The following SPRED1 variants were observed in gnomAD, a reference collection of about 807,000 sequenced individuals.
The protein encoded by SPRED1 is sprouty related EVH1 domain containing 1.
SPRED1 carries 18 observed loss-of-function variants against 52.3 expected under a neutral mutation model. The ratio of observed to expected loss-of-function variants is 0.34; its 90% CI spans 0.24 to 0.51. The LOEUF (loss-of-function observed/expected upper bound fraction) is 0.51. Among genes scored for constraint, SPRED1 ranks in the 20% least tolerant of loss-of-function variants. SPRED1 has a pLI of 0.97. For synonymous variants in SPRED1, 155 were observed against 179.7 expected, an observed-to-expected ratio of 0.86 and a Z score of 1.10; for missense variants, 485 against 551.0, an observed-to-expected ratio of 0.88 and a Z score of 1.20.
At chr15:38,318,804 G>A (rs531204967) in intron 2 of SPRED1, among the ~76,000 whole-genome samples, 1 of 152,234 alleles carries the variant, frequency 6.6e-6, no homozygotes, top group African/African-American at 2.4e-5. Context: ...CATGGTATAT[G>A]TTTTATAAGT....
intron 4 of SPRED1, among the ~76,000 whole-genome samples, chr15:38,337,327 T>A (rs1386863020): frequency 2.0e-5 from 3 of 152,218 alleles, no homozygotes; most frequent in African/African-American, 7.2e-5. Flanking sequence ...ATTTGATTCT[T>A]ACAATTCATG....
chr15:38,256,534 G>A (rs1031676674), intron 1 of SPRED1, among the ~76,000 whole-genome samples: 2 of 152,088 alleles, frequency 1.3e-5, no homozygotes, highest in South Asian at 2.1e-4. Flanking sequence ...TTAGGTTCAC[G>A]TTAGCCAGAA....
chr15:38,319,377 G>T (rs1446481292), intron 2 of SPRED1, among the ~76,000 whole-genome samples: 1 of 152,036 alleles, frequency 6.6e-6, no homozygotes, highest in Non-Finnish European at 1.5e-5. Context: ...CTGGATACAT[G>T]TAAATTATTT....
intron 1 of SPRED1, among the ~76,000 whole-genome samples, chr15:38,288,757 T>TA (rs1450552432): frequency 6.6e-6 from 1 of 152,208 alleles, no homozygotes; most frequent in Non-Finnish European, 1.5e-5. Context: ...CAGGCTATGC[T>TA]AACTCAGTAT....
rs1374483645 is a variant in SPRED1 at position 38,351,295 on chromosome 15, G to A, written c.966G>A (p.Lys322=). The change falls in exon 7 of 7, where the codon AAG becomes AAA. Residue 322 remains lysine (K), a synonymous_variant. Coordinates refer to ENST00000299084, the MANE Select transcript of SPRED1 (RefSeq NM_152594.3). Reference sequence around the variant, plus strand: ...AGCCTTCCTCATTAAAAATTAAGAAGTCAAAACGAAGAAAAGAGGATGGTG... The same window carrying A: ...AGCCTTCCTCATTAAAAATTAAGAAATCAAAACGAAGAAAAGAGGATGGTG... ...KTQPSSLKIK[K]SKRRKEDGER... 6.2e-7 allele frequency: 1 copy of A among 1,614,036 alleles called. No homozygotes were observed. The highest frequency in any genetic ancestry group is 8.5e-7 in the Non-Finnish European group (1 of 1,180,000).
chr15:38,305,223 T>C (rs1260255943), intron 2 of SPRED1, among the ~76,000 whole-genome samples: 4 of 151,892 alleles, frequency 2.6e-5, no homozygotes, highest in Non-Finnish European at 4.4e-5. Context: ...TCCCAGCTAC[T>C]TAGGAGGCTG....
At chr15:38,336,310 A>G (rs973039840) in intron 4 of SPRED1, among the ~76,000 whole-genome samples, 11 of 151,134 alleles carry the variant, frequency 7.3e-5, no homozygotes, top group African/African-American at 2.4e-4. Context: ...TGCTTAGAGC[A>G]CTATAATTTG....
Position 38,339,895 on chromosome 15 carries a change from G to A in SPRED1, c.582G>A (p.Gln194=). 1 of 1,613,744 alleles carries A rather than the reference G, an allele frequency of 6.2e-7. No homozygotes were observed. The highest frequency in any genetic ancestry group is 8.5e-7 in the Non-Finnish European group (1 of 1,179,830). Residue 194 remains glutamine (Q), a splice_region_variant and synonymous_variant, in exon 5 of 7, where the codon CAG becomes CAA. Transcript: ENST00000299084. ...TCTACATGCAAAGCCAAGCCAATCA[G>A]GTAAGAAGATAAAATATTTTTTCGG... ...RRVYMQSQAN[Q]ITFGQPGLDI...
rs188019859 is a variant in SPRED1, at chr15:38,283,024, G to A, written c.33-16349G>A. On this transcript the variant is annotated intron_variant, in intron 1 of 6. Coordinates refer to ENST00000299084, the MANE Select transcript of SPRED1 (RefSeq NM_152594.3). Reference sequence around the variant, plus strand: ...GGGGTGTAATGAGGTATGTTAGTCCGTTCTCACACTGCTATAAAGAATACT... The same window carrying A: ...GGGGTGTAATGAGGTATGTTAGTCCATTCTCACACTGCTATAAAGAATACT... Among the ~76,000 whole-genome samples the A allele has an allele frequency of 2.4e-4, 37 of 152,130 alleles. 1 individual carries two copies. Among genetic ancestry groups the A allele is most frequent in the East Asian group, 1.7e-3 (9 of 5,186 alleles).
chr15:38,320,120 A>G (rs183878273), intron 2 of SPRED1, among the ~76,000 whole-genome samples: 3 of 152,124 alleles, frequency 2.0e-5, no homozygotes, highest in African/African-American at 4.8e-5. Flanking sequence ...TTTTAATGCA[A>G]TTTATTTCAT....
intron 1 of SPRED1, among the ~76,000 whole-genome samples, chr15:38,266,501 G>A (rs1894309377): frequency 6.6e-6 from 1 of 151,966 alleles, no homozygotes; most frequent in Non-Finnish European, 1.5e-5. Context: ...AATTATCCAG[G>A]CATGGTGGTG....
rs757217761 is a variant in SPRED1 at position 38,354,979 on chromosome 15, G to A, written c.*3315G>A. 6.6e-6 allele frequency: 1 copy of A among 152,474 alleles called. No individual in the cohort carries two copies. The highest frequency in any genetic ancestry group is 1.5e-5 in the Non-Finnish European group (1 of 68,300). The allele number at this position is 152,474 out of a possible 1,614,324, so 9.4% of individuals were successfully genotyped here. A position where few individuals can be genotyped will look rare whatever the true frequency, so the allele number is the denominator to read the frequency against. On this transcript the variant is annotated 3_prime_UTR_variant, in exon 7 of 7. Coordinates refer to ENST00000299084, the MANE Select transcript of SPRED1 (RefSeq NM_152594.3). ...GTTTTTCTCTCTTTTATTTGAGACGGAGTTTCACTCTTGTTGCCCAGGCTG... is the reference window on the plus strand; with the variant it reads ...GTTTTTCTCTCTTTTATTTGAGACGAAGTTTCACTCTTGTTGCCCAGGCTG...
At chr15:38,284,585 G>T (rs920816516) in intron 1 of SPRED1, among the ~76,000 whole-genome samples, 2 of 152,032 alleles carry the variant, frequency 1.3e-5, no homozygotes, top group South Asian at 4.2e-4. Flanking sequence ...GACTTTAGTG[G>T]AAGTTTTAAG....
intron 1 of SPRED1, among the ~76,000 whole-genome samples, chr15:38,256,699 A>C (rs1402638310): frequency 6.6e-6 from 1 of 152,144 alleles, no homozygotes; most frequent in African/African-American, 2.4e-5. Context: ...GCAAATTTTT[A>C]TGGTTATATC....
chr15:38,319,823 A>C (rs1051970215), intron 2 of SPRED1, among the ~76,000 whole-genome samples: 2 of 152,228 alleles, frequency 1.3e-5, no homozygotes, highest in African/African-American at 4.8e-5. Flanking sequence ...CTTACTACCA[A>C]GAATTATTAT....
intron 2 of SPRED1, among the ~76,000 whole-genome samples, chr15:38,299,835 C>T (rs997192290): frequency 6.6e-6 from 1 of 152,150 alleles, no homozygotes; most frequent in Non-Finnish European, 1.5e-5. Context: ...GCCTTCCCTT[C>T]TCTCAGCTAT....
At chr15:38,293,099 C>CTTTTTTTTTT (rs66511254) in intron 1 of SPRED1, among the ~76,000 whole-genome samples, 4,462 of 90,608 alleles carry the variant, frequency 0.049, 1,161 homozygotes, top group South Asian at 0.089. Context: ...AAGATTACAA[C>CTTTTTTTTTT]TTTTTTTTTT....
chr15:38,294,018 A>C (rs1457760166), intron 1 of SPRED1, among the ~76,000 whole-genome samples: 1 of 152,166 alleles, frequency 6.6e-6, no homozygotes, highest in Non-Finnish European at 1.5e-5. Flanking sequence ...TTTATGTAGT[A>C]TATGAATCTC....
intron 1 of SPRED1, among the ~76,000 whole-genome samples, chr15:38,285,894 T>C (rs1894796831): frequency 1.3e-5 from 2 of 152,216 alleles, no homozygotes; most frequent in Admixed American, 6.5e-5. Context: ...TAAGCTTTGC[T>C]TCCAGAAAAC....
Sources: allele counts gnomAD v4.1 joint callset (sites outside exome capture counted in the v4.1 genomes callset), GRCh38; gene constraint gnomAD v4.1.1; transcripts MANE v1.5; gene names NCBI Gene and HGNC (gene_info 2026-07-23, HGNC 2026-07-21).